Variants in GALNT13 observed in about 807,000 individuals in gnomAD.
GALNT13 encodes the protein polypeptide N-acetylgalactosaminyltransferase 13.
GALNT13 carries 28 observed loss-of-function variants against 64.2 expected under a neutral mutation model. The ratio of observed to expected loss-of-function variants is 0.44; its 90% CI spans 0.32 to 0.60. GALNT13 has a LOEUF of 0.60. Among genes scored for constraint, GALNT13 ranks in the 20% least tolerant of loss-of-function variants. The pLI is 0.05. For missense variants in GALNT13, 577 were observed against 669.8 expected (o/e 0.86, Z 1.53); for synonymous variants, 214 against 224.6 (o/e 0.95, Z 0.42).
chr2:153,981,333 G>A (rs561045005), intron 3 of GALNT13, among the ~76,000 whole-genome samples: 35 of 152,024 alleles, frequency 2.3e-4, no homozygotes, highest in South Asian at 4.2e-4. Flanking sequence ...CGTCATTTAC[G>A]TTAGGTATAT....
intron 4 of GALNT13, among the ~76,000 whole-genome samples, chr2:154,189,004 T>TA (rs1350771755): frequency 1.3e-5 from 2 of 152,062 alleles, no homozygotes; most frequent in African/African-American, 4.8e-5. Flanking sequence ...TTTCCTAACA[T>TA]AAAAAAACGG....
At chr2:154,143,797 G>T (rs1490214246) in intron 4 of GALNT13, among the ~76,000 whole-genome samples, 2 of 145,912 alleles carry the variant, frequency 1.4e-5, no homozygotes, top group African/African-American at 5.1e-5. Flanking sequence ...GGAGGCAGAG[G>T]TTGCAGTGAG....
intron 11 of GALNT13, among the ~76,000 whole-genome samples, chr2:154,429,323 A>G (rs936149146): frequency 6.6e-6 from 1 of 152,198 alleles, no homozygotes; most frequent in African/African-American, 2.4e-5. Flanking sequence ...AAGGAAATTG[A>G]AAGTGTTACT....
At chr2:154,213,177 A>T (rs1687870177) in intron 4 of GALNT13, among the ~76,000 whole-genome samples, 1 of 152,102 alleles carries the variant, frequency 6.6e-6, no homozygotes, top group African/African-American at 2.4e-5. Context: ...AGCTCAGCTC[A>T]CTGCAACCTC....
chr2:153,941,259 G>T (rs753837165), intron 2 of GALNT13, among the ~76,000 whole-genome samples: 1 of 152,124 alleles, frequency 6.6e-6, no homozygotes, highest in Non-Finnish European at 1.5e-5. Context: ...GCCTCCCAGA[G>T]TTCTGGGATT....
chr2:153,483,459 C>T, the GALNT13 span, among the ~76,000 whole-genome samples: 1 of 137,266 alleles, frequency 7.3e-6, no homozygotes, highest in African/African-American at 2.8e-5. Flanking sequence ...CTCTGTTGCC[C>T]AGGCTGGAGT....
At chr2:154,102,484 G>C (rs970697894) in intron 3 of GALNT13, among the ~76,000 whole-genome samples, 6 of 152,094 alleles carry the variant, frequency 3.9e-5, no homozygotes, top group Non-Finnish European at 5.9e-5. Flanking sequence ...AGGACACAAA[G>C]GCATGAGAAT....
the GALNT13 span, among the ~76,000 whole-genome samples, chr2:153,376,416 A>G: frequency 6.6e-6 from 1 of 152,182 alleles, no homozygotes; most frequent in East Asian, 1.9e-4. Flanking sequence ...GATTTATTCT[A>G]AAAACAATGG....
chr2:154,068,328 G>C (rs1449878583), intron 3 of GALNT13, among the ~76,000 whole-genome samples: 1 of 151,806 alleles, frequency 6.6e-6, no homozygotes, highest in Non-Finnish European at 1.5e-5. Context: ...ACTAAAAATG[G>C]ATCTGCCATA....
chr2:154,395,217 T>C (rs966309527), intron 9 of GALNT13, among the ~76,000 whole-genome samples: 1 of 152,208 alleles, frequency 6.6e-6, no homozygotes, highest in Non-Finnish European at 1.5e-5. Flanking sequence ...AATATTAATA[T>C]TGAGCAAACC....
intron 3 of GALNT13, among the ~76,000 whole-genome samples, chr2:154,019,374 C>G (rs1005442348): frequency 3.3e-5 from 5 of 152,104 alleles, no homozygotes; most frequent in African/African-American, 1.2e-4. Flanking sequence ...GTGGCTCACA[C>G]TTGTAATCCC....
At chr2:154,081,721 G>A (rs1221227379) in intron 3 of GALNT13, among the ~76,000 whole-genome samples, 1 of 151,708 alleles carries the variant, frequency 6.6e-6, no homozygotes, top group Non-Finnish European at 1.5e-5. Context: ...AGATCCAAAT[G>A]TAGTTTGCTT....
chr2:153,680,839 A>G, the GALNT13 span, among the ~76,000 whole-genome samples: 1 of 151,902 alleles, frequency 6.6e-6, no homozygotes, highest in Non-Finnish European at 1.5e-5. Flanking sequence ...CTAATTTACT[A>G]TTTTGTTATT....
At chr2:154,336,553 T>C (rs1695457026) in intron 9 of GALNT13, among the ~76,000 whole-genome samples, 1 of 152,150 alleles carries the variant, frequency 6.6e-6, no homozygotes, top group Non-Finnish European at 1.5e-5. Context: ...ATTTAAAGTA[T>C]GGTTATATTT....
At chr2:153,975,209 C>A (rs1289790169) in intron 3 of GALNT13, among the ~76,000 whole-genome samples, 3 of 152,052 alleles carry the variant, frequency 2.0e-5, no homozygotes, top group Admixed American at 6.6e-5. Context: ...TCTTATCATG[C>A]CTTCAAATGT....
At chr2:153,239,145 G>T in the GALNT13 span, among the ~76,000 whole-genome samples, 1 of 152,046 alleles carries the variant, frequency 6.6e-6, no homozygotes, top group Non-Finnish European at 1.5e-5. Context: ...ATTTTTCACT[G>T]TTGGCATATA....
the GALNT13 span, among the ~76,000 whole-genome samples, chr2:153,805,721 A>T: frequency 7.9e-5 from 12 of 152,208 alleles, no homozygotes; most frequent in East Asian, 7.7e-4. Flanking sequence ...GGTGATATTA[A>T]TATTGTTAGT....
At chr2:153,498,836 G>T in the GALNT13 span, among the ~76,000 whole-genome samples, 1 of 151,918 alleles carries the variant, frequency 6.6e-6, no homozygotes, top group Non-Finnish European at 1.5e-5. Flanking sequence ...CTGCCATTTG[G>T]TGGGTCCTAA....
At chr2:154,044,596 G>C (rs1201634726) in intron 3 of GALNT13, among the ~76,000 whole-genome samples, 1 of 152,100 alleles carries the variant, frequency 6.6e-6, no homozygotes, top group Admixed American at 6.5e-5. Context: ...ATTACAGAGG[G>C]CTGGGAGGGA....
Sources: allele counts gnomAD v4.1 joint callset (sites outside exome capture counted in the v4.1 genomes callset), GRCh38; gene constraint gnomAD v4.1.1; transcripts MANE v1.5; gene names NCBI Gene and HGNC (gene_info 2026-07-23, HGNC 2026-07-21).